The following LIMCH1 variants were observed in gnomAD, a reference collection of about 807,000 sequenced individuals.
The protein encoded by LIMCH1 is LIM and calponin homology domains-containing protein 1.
LIMCH1 carries 113 observed loss-of-function variants against 176.5 expected under a neutral mutation model. That is an observed-to-expected ratio of 0.64 (90% confidence interval 0.55 to 0.75). LIMCH1 has a LOEUF of 0.75. Ranked by LOEUF, LIMCH1 falls within the 30% of genes least tolerant of loss-of-function variation. The probability of loss-of-function intolerance (pLI) is 0.00; values close to 1 mark genes in which losing one functional copy is unlikely to be tolerated. For synonymous variants in LIMCH1, 619 were observed against 645.9 expected (o/e 0.96, Z 0.63); for missense variants, 1,674 against 1,814.9 (o/e 0.92, Z 1.41).
At chr4:41,420,446 G>A (rs2060513053) in intron 1 of LIMCH1, among the ~76,000 whole-genome samples, 5 of 152,170 alleles carry the variant, frequency 3.3e-5, no homozygotes, top group Admixed American at 3.3e-4. Context: ...CAGGGTGTAG[G>A]ACCAGACAAG....
chr4:41,442,211 G>T (rs2062774912), intron 1 of LIMCH1, among the ~76,000 whole-genome samples: 1 of 152,068 alleles, frequency 6.6e-6, no homozygotes, highest in Admixed American at 6.6e-5. Flanking sequence ...GATGCGAGAG[G>T]ATCACTTGAG....
At chr4:41,686,976 T>C (rs1025882423) in intron 28 of LIMCH1, among the ~76,000 whole-genome samples, 1 of 152,172 alleles carries the variant, frequency 6.6e-6, no homozygotes, top group African/African-American at 2.4e-5. Context: ...CATTGGTACT[T>C]ATACTTTAGG....
chr4:41,565,029 C>T (rs145504583), intron 1 of LIMCH1, among the ~76,000 whole-genome samples: 4,386 of 152,236 alleles, frequency 0.029, 155 homozygotes, highest in African/African-American at 0.081. Flanking sequence ...TACCCAGTCT[C>T]AGGCAGTTCT....
At chr4:41,386,990 G>A (rs2056578876) in intron 1 of LIMCH1, among the ~76,000 whole-genome samples, 1 of 152,134 alleles carries the variant, frequency 6.6e-6, no homozygotes, top group Non-Finnish European at 1.5e-5. Context: ...AAACTGTTGG[G>A]TTATCTGGGC....
intron 1 of LIMCH1, among the ~76,000 whole-genome samples, chr4:41,455,472 G>C (rs1451378567): frequency 6.6e-6 from 1 of 152,120 alleles, no homozygotes; most frequent in Non-Finnish European, 1.5e-5. Context: ...CATCCTGCTG[G>C]GTGCAAGGTC....
chr4:41,643,696 CAG>C (rs1314979191), intron 14 of LIMCH1, among the ~76,000 whole-genome samples: 2 of 152,092 alleles, frequency 1.3e-5, no homozygotes, highest in Non-Finnish European at 2.9e-5. Context: ...AAGAGATATT[CAG>C]AGTTATCCTG....
rs928404146 is a variant in LIMCH1, at chr4:41,674,563, A to G, written c.3439-1819A>G. Among the ~76,000 whole-genome samples, 12 of 152,354 alleles carry G rather than the reference A, an allele frequency of 7.9e-5. No individual in the cohort carries two copies. The South Asian group carries it at 2.5e-3, about 32-fold the overall frequency. On this transcript the variant is annotated intron_variant, in intron 22 of 31. Transcript: ENST00000503057. ...AATTTTAGATTACAGATGCTCTTCAACTTAAGAATGGGGTCACAGCCCAAT... is the reference window on the plus strand; with the variant it reads ...AATTTTAGATTACAGATGCTCTTCAGCTTAAGAATGGGGTCACAGCCCAAT...
intron 4 of LIMCH1, among the ~76,000 whole-genome samples, chr4:41,608,698 T>G (rs2091046891): frequency 6.6e-6 from 1 of 152,102 alleles, no homozygotes; most frequent in African/African-American, 2.4e-5. Flanking sequence ...ATCTCTAACA[T>G]CACAGTGACA....
chr4:41,646,914 G>A (rs368030441), intron 17 of LIMCH1, 21 bp downstream of exon 17: 144 of 1,593,446 alleles, frequency 9.0e-5, no homozygotes, highest in Non-Finnish European at 1.2e-4. Context: ...TTCCTTAAGA[G>A]TAGAACCAAA....
intron 1 of LIMCH1, among the ~76,000 whole-genome samples, chr4:41,396,549 T>A (rs2057820025): frequency 6.6e-6 from 1 of 152,060 alleles, no homozygotes; most frequent in South Asian, 2.1e-4. Context: ...CTTTTGTTTG[T>A]TTGTTTGTTT....
chr4:41,409,059 T>G (rs1423854684), intron 1 of LIMCH1, among the ~76,000 whole-genome samples: 2 of 152,188 alleles, frequency 1.3e-5, no homozygotes, highest in East Asian at 3.8e-4. Flanking sequence ...GGGCTGTGTA[T>G]AGATCAGTGT....
intron 1 of LIMCH1, among the ~76,000 whole-genome samples, chr4:41,442,293 C>T (rs1003435456): frequency 6.6e-5 from 10 of 151,586 alleles, no homozygotes; most frequent in Non-Finnish European, 1.2e-4. Context: ...GAGCCAGACC[C>T]TGTCTCAAAA....
chr4:41,674,001 G>T (rs61692528), intron 22 of LIMCH1, among the ~76,000 whole-genome samples: 254 of 152,170 alleles, frequency 1.7e-3, no homozygotes, highest in Non-Finnish European at 2.8e-3. Context: ...TGGTAACCCC[G>T]CCCTGGCCCA....
chr4:41,423,208 A>T (rs78873503), intron 1 of LIMCH1, among the ~76,000 whole-genome samples: 5,846 of 152,244 alleles, frequency 0.038, 377 homozygotes, highest in African/African-American at 0.13. Flanking sequence ...GGAGAAGTAA[A>T]GAAAGCCGCA....
chr4:41,664,443 CA>C (rs2094750854), intron 20 of LIMCH1, among the ~76,000 whole-genome samples: 1 of 152,116 alleles, frequency 6.6e-6, no homozygotes, highest in Non-Finnish European at 1.5e-5. Flanking sequence ...GATGCGTTTT[CA>C]ATATTTCAGA....
At chr4:41,559,740 C>T (rs2081810353) in intron 1 of LIMCH1, among the ~76,000 whole-genome samples, 1 of 152,170 alleles carries the variant, frequency 6.6e-6, no homozygotes, top group South Asian at 2.1e-4. Context: ...AATTAGCTTT[C>T]TTGTTGGCTG....
chr4:41,662,695 A>G, intron 19 of LIMCH1, 126 bp from the exon 20 acceptor site: 6 of 989,826 alleles, frequency 6.1e-6, no homozygotes, highest in Non-Finnish European at 7.6e-6. Flanking sequence ...GCACACTGTC[A>G]TTCAGCTTAT....
chr4:41,525,297 CTGAT>C (rs1055347493), intron 3 of LIMCH1, among the ~76,000 whole-genome samples: 13 of 152,212 alleles, frequency 8.5e-5, no homozygotes, highest in African/African-American at 2.7e-4. Flanking sequence ...TAATGACTCA[CTGAT>C]TGTTTCCATT....
chr4:41,590,425 A>T (rs4128421), intron 1 of LIMCH1, among the ~76,000 whole-genome samples: 13,140 of 151,942 alleles, frequency 0.086, 1,862 homozygotes, highest in African/African-American at 0.3. Flanking sequence ...CCTCTCCTCC[A>T]CCCATTGGCT....
Sources: gnomAD v4.1 joint callset for allele counts (sites outside exome capture counted in the v4.1 genomes callset) on GRCh38, gnomAD v4.1.1 for gene constraint, MANE v1.5 for transcripts, NCBI Gene and HGNC (gene_info 2026-07-23, HGNC 2026-07-21) for gene names.